Variants in MACROD2 observed in about 807,000 individuals in gnomAD.
The protein encoded by MACROD2 is ADP-ribose glycohydrolase MACROD2.
MACROD2 carries 36 observed loss-of-function variants against 70.4 expected under a neutral mutation model. The ratio of observed to expected loss-of-function variants is 0.51; its 90% CI spans 0.39 to 0.68. MACROD2 has a LOEUF of 0.68. Ranked by LOEUF, MACROD2 falls within the 30% of genes least tolerant of loss-of-function variation. MACROD2 has a pLI of 0.00. For missense variants in MACROD2, 496 were observed against 538.4 expected, an observed-to-expected ratio of 0.92 and a Z score of 0.78; for synonymous variants, 172 against 178.8, an observed-to-expected ratio of 0.96 and a Z score of 0.30.
intron 3 of MACROD2, among the ~76,000 whole-genome samples, chr20:14,204,834 T>C (rs2081509807): frequency 6.6e-6 from 1 of 152,234 alleles, no homozygotes; most frequent in African/African-American, 2.4e-5. Context: ...TGCCTGGAAC[T>C]TCTAGTCAGC....
At chr20:15,307,435 A>G (rs2077708897) in intron 6 of MACROD2, among the ~76,000 whole-genome samples, 2 of 152,186 alleles carry the variant, frequency 1.3e-5, no homozygotes, top group South Asian at 4.1e-4. Context: ...TCCACACAGA[A>G]TCCTCAAGTG....
intron 12 of MACROD2, among the ~76,000 whole-genome samples, chr20:15,940,029 A>G (rs2065727365): frequency 6.6e-6 from 1 of 152,192 alleles, no homozygotes; most frequent in East Asian, 1.9e-4. Flanking sequence ...TTAAGAAAAA[A>G]AAGTGGTTTC....
intron 5 of MACROD2, among the ~76,000 whole-genome samples, chr20:14,782,585 A>C (rs1466630506): frequency 6.6e-6 from 1 of 152,070 alleles, no homozygotes; most frequent in African/African-American, 2.4e-5. Flanking sequence ...ACATCTAATG[A>C]CTGGTTAATG....
rs372489902 is a variant in MACROD2, at chr20:14,727,968, G to C, written c.418+43009G>C. On this transcript the variant is annotated intron_variant, in intron 5 of 17. Coordinates refer to ENST00000684519, the MANE Select transcript of MACROD2 (RefSeq NM_001351661.2). ...TCCTTTCATAGCCCATGAATTTCAA[G>C]AATAAGAGTTGCTTAACTTACTGGC... Among the ~76,000 whole-genome samples the C allele has an allele frequency of 1.1e-3, 166 of 152,142 alleles. 1 individual carries two copies. Among genetic ancestry groups the C allele is most frequent in the African/African-American group, 3.6e-3 (151 of 41,500 alleles).
chr20:14,426,869 A>G (rs1431859263), intron 3 of MACROD2, among the ~76,000 whole-genome samples: 1 of 152,066 alleles, frequency 6.6e-6, no homozygotes, highest in East Asian at 1.9e-4. Context: ...GAGACCTTTT[A>G]CTTTACCCCT....
chr20:14,569,330 A>G (rs1429149538), intron 4 of MACROD2, among the ~76,000 whole-genome samples: 3 of 152,090 alleles, frequency 2.0e-5, no homozygotes, highest in Non-Finnish European at 4.4e-5. Context: ...CTCTTAAAAA[A>G]AACTATTAAA....
At chr20:14,064,050 G>T (rs2053724558) in intron 2 of MACROD2, among the ~76,000 whole-genome samples, 1 of 152,138 alleles carries the variant, frequency 6.6e-6, no homozygotes. Context: ...TTGAATAAGG[G>T]ATACTCAACC....
chr20:14,001,359 G>A (rs186520590), intron 1 of MACROD2, among the ~76,000 whole-genome samples: 1 of 152,064 alleles, frequency 6.6e-6, no homozygotes, highest in Admixed American at 6.6e-5. Flanking sequence ...GATGCAATTT[G>A]TAAAATATTT....
intron 5 of MACROD2, among the ~76,000 whole-genome samples, chr20:14,889,509 A>G (rs919224665): frequency 6.6e-6 from 1 of 152,152 alleles, no homozygotes; most frequent in African/African-American, 2.4e-5. Context: ...TGAGAAGAAG[A>G]GATTTTAGCA....
intron 5 of MACROD2, among the ~76,000 whole-genome samples, chr20:14,909,897 A>C (rs2074005641): frequency 6.6e-6 from 1 of 152,096 alleles, no homozygotes; most frequent in South Asian, 2.1e-4. Flanking sequence ...GAATTAAGTA[A>C]TTACAATTTC....
In MACROD2 at chr20:15,497,579, C is replaced by T. The variant is rs116470294; in HGVS notation, c.572-2195C>T. Among the ~76,000 whole-genome samples, 10 of 151,972 alleles carry T rather than the reference C, an allele frequency of 6.6e-5. No homozygotes were observed. The East Asian group carries it at 7.7e-4, about 12-fold the overall frequency. ...TGCTGGAGTTACAGGCGTGAGCCACCGCACCTGGCCGCCTCCTTCTCCTTC... is the reference window on the plus strand; with the variant it reads ...TGCTGGAGTTACAGGCGTGAGCCACTGCACCTGGCCGCCTCCTTCTCCTTC... On this transcript the variant is annotated intron_variant, in intron 7 of 17. Transcript: ENST00000684519.
chr20:15,299,995 T>A (rs894506442), intron 6 of MACROD2, among the ~76,000 whole-genome samples: 2 of 152,218 alleles, frequency 1.3e-5, no homozygotes, highest in Admixed American at 1.3e-4. Context: ...ACATCTGTTA[T>A]GGCCCCTTCT....
intron 5 of MACROD2, among the ~76,000 whole-genome samples, chr20:15,129,210 T>C (rs2076088018): frequency 6.6e-6 from 1 of 152,086 alleles, no homozygotes; most frequent in African/African-American, 2.4e-5. Context: ...ATTTAATATA[T>C]GGATTGAAGA....
chr20:15,656,683 G>A (rs1335533546), intron 8 of MACROD2, among the ~76,000 whole-genome samples: 2 of 152,184 alleles, frequency 1.3e-5, no homozygotes, highest in Non-Finnish European at 2.9e-5. Context: ...AAGCTAAACA[G>A]AGCCGGAGGG....
chr20:14,805,765 T>G (rs2072631563), intron 5 of MACROD2, among the ~76,000 whole-genome samples: 1 of 152,038 alleles, frequency 6.6e-6, no homozygotes, highest in Admixed American at 6.6e-5. Flanking sequence ...TCCGAACATT[T>G]TTTTTTCCTC....
At chr20:16,045,107 C>T (rs1373760574) in intron 17 of MACROD2, among the ~76,000 whole-genome samples, 1 of 152,108 alleles carries the variant, frequency 6.6e-6, no homozygotes, top group Non-Finnish European at 1.5e-5. Flanking sequence ...GCCTTAGGTC[C>T]TGTTTTTTTC....
At chr20:15,515,119 C>A (rs1052162255) in intron 8 of MACROD2, among the ~76,000 whole-genome samples, 14 of 152,210 alleles carry the variant, frequency 9.2e-5, no homozygotes, top group Non-Finnish European at 1.0e-4. Flanking sequence ...CAGGACCATA[C>A]TCATTGCAAG....
chr20:15,247,464 T>G (rs1363630194), intron 6 of MACROD2, among the ~76,000 whole-genome samples: 1 of 152,188 alleles, frequency 6.6e-6, no homozygotes, highest in African/African-American at 2.4e-5. Flanking sequence ...AAGAGTTATA[T>G]AAATTACACA....
chr20:14,138,486 A>G (rs775522066), intron 3 of MACROD2, among the ~76,000 whole-genome samples: 6 of 152,116 alleles, frequency 3.9e-5, no homozygotes, highest in Non-Finnish European at 5.9e-5. Context: ...ATGTTAAATG[A>G]AGTAATTTAG....
Sources: gnomAD v4.1 joint callset for allele counts (sites outside exome capture counted in the v4.1 genomes callset) on GRCh38, gnomAD v4.1.1 for gene constraint, MANE v1.5 for transcripts, NCBI Gene and HGNC (gene_info 2026-07-23, HGNC 2026-07-21) for gene names.